CC2D2A: variants seen among roughly 807,000 people sequenced by gnomAD.
CC2D2A encodes coiled-coil and C2 domain containing 2A.
Under a neutral mutation model 212.9 loss-of-function variants are expected in CC2D2A, and 155 were observed. That is an observed-to-expected ratio of 0.73 (90% CI 0.64 to 0.83). CC2D2A has a LOEUF of 0.83. Ranked by LOEUF, CC2D2A falls within the 40% of genes least tolerant of loss-of-function variation. CC2D2A has a pLI of 0.00. For missense variants in CC2D2A, 1,856 were observed against 1,956.2 expected (o/e 0.95, Z 0.97); for synonymous variants, 667 against 686.5 (o/e 0.97, Z 0.44).
intron 11 of CC2D2A, 112 bp downstream of exon 11, chr4:15,516,868 C>T (rs1716905127): frequency 1.0e-6 from 1 of 977,130 alleles, no homozygotes; most frequent in African/African-American, 1.7e-5. Flanking sequence ...TTAAATAATT[C>T]ACTATCTTAC....
chr4:15,565,140 A>G (rs939262717), intron 24 of CC2D2A, among the ~76,000 whole-genome samples: 2 of 152,228 alleles, frequency 1.3e-5, no homozygotes, highest in Non-Finnish European at 2.9e-5. Context: ...CTCACAGCCT[A>G]CCCTTTCACC....
chr4:15,473,698 G>T (rs1261853642), intron 1 of CC2D2A, among the ~76,000 whole-genome samples: 1 of 152,190 alleles, frequency 6.6e-6, no homozygotes, highest in Non-Finnish European at 1.5e-5. Flanking sequence ...GGAGTTTCTT[G>T]CAGTAGATTT....
intron 24 of CC2D2A, 165 bp downstream of exon 24, chr4:15,563,687 A>T: frequency 1.6e-6 from 1 of 640,582 alleles, no homozygotes; most frequent in Non-Finnish European, 2.7e-6. Flanking sequence ...AATACATTCC[A>T]ATTCCATCAA....
chr4:15,546,861 C>T (rs1421539379), intron 17 of CC2D2A, among the ~76,000 whole-genome samples: 1 of 152,070 alleles, frequency 6.6e-6, no homozygotes, highest in Non-Finnish European at 1.5e-5. Flanking sequence ...AAAGGTAAGA[C>T]AATGAGGGTT....
chr4:15,563,074 G>A (rs933289648), intron 23 of CC2D2A, among the ~76,000 whole-genome samples: 1 of 152,230 alleles, frequency 6.6e-6, no homozygotes, highest in Admixed American at 6.5e-5. Context: ...CATGTTTGAG[G>A]AACTGGTGGG....
intron 4 of CC2D2A, among the ~76,000 whole-genome samples, chr4:15,493,667 C>T (rs1420396077): frequency 6.6e-6 from 1 of 152,168 alleles, no homozygotes; most frequent in Non-Finnish European, 1.5e-5. Flanking sequence ...CACCATCTGA[C>T]ATACTAACTA....
chr4:15,532,694 C>T (rs909312991), intron 13 of CC2D2A, among the ~76,000 whole-genome samples: 4 of 152,194 alleles, frequency 2.6e-5, no homozygotes, highest in African/African-American at 7.2e-5. Context: ...AAACCATTTG[C>T]AAATGATGCC....
At chr4:15,535,715 T>G (rs893596595) in intron 14 of CC2D2A, among the ~76,000 whole-genome samples, 1 of 152,208 alleles carries the variant, frequency 6.6e-6, no homozygotes, top group African/African-American at 2.4e-5. Context: ...TGCAAGAGCT[T>G]GTGCCTTGGG....
At chr4:15,492,669 T>C in intron 4 of CC2D2A, 1 of 610,858 alleles carries the variant, frequency 1.6e-6, no homozygotes, top group Middle Eastern at 4.5e-4. Flanking sequence ...CCTCAGCAGC[T>C]GAGGGTCTCT....
At chr4:15,554,034 G>A (rs566604999) in intron 19 of CC2D2A, among the ~76,000 whole-genome samples, 54 of 152,290 alleles carry the variant, frequency 3.5e-4, no homozygotes, top group African/African-American at 1.2e-3. Context: ...AATTGGGCTC[G>A]TTTAGTTCCC....
chr4:15,531,693 A>G (rs1280329964), intron 13 of CC2D2A, among the ~76,000 whole-genome samples: 1 of 152,142 alleles, frequency 6.6e-6, no homozygotes, highest in Non-Finnish European at 1.5e-5. Flanking sequence ...ATTATTTTGT[A>G]ATTTTCTGCT....
intron 30 of CC2D2A, among the ~76,000 whole-genome samples, chr4:15,581,684 G>T (rs2109084716): frequency 6.6e-6 from 1 of 152,264 alleles, no homozygotes; most frequent in South Asian, 2.1e-4. Context: ...GAGAAAAAAA[G>T]AAAACTTTCT....
At chr4:15,555,844 G>A (rs1719250518) in intron 20 of CC2D2A, among the ~76,000 whole-genome samples, 2 of 152,154 alleles carry the variant, frequency 1.3e-5, no homozygotes. Flanking sequence ...AACTCCTAAA[G>A]GTTTTATATC....
intron 17 of CC2D2A, chr4:15,543,630 CCTT>C (rs1402335644): frequency 6.6e-6 from 1 of 152,184 alleles, no homozygotes; most frequent in Non-Finnish European, 1.5e-5. Context: ...ACTGGGGCAG[CCTT>C]CAGATACGTG....
chr4:15,559,087 A>T, intron 21 of CC2D2A, 78 bp from the exon 22 acceptor site: 1 of 847,356 alleles, frequency 1.2e-6, no homozygotes, highest in Non-Finnish European at 1.9e-6. Context: ...AACTTAAATC[A>T]TATGTGATAA....
Position 15,537,042 on chromosome 4 carries a change from C to T in CC2D2A, c.1730C>T (p.Ser577Leu), listed in dbSNP as rs543650388. 9 of 1,613,488 alleles carry T rather than the reference C, an allele frequency of 5.6e-6. No homozygotes were observed. The African/African-American group carries it at 8.0e-5, about 14-fold the overall frequency. Residue 577 changes from serine (S) to leucine (L), a missense_variant, in exon 15 of 37, where the codon TCG becomes TTG. Coordinates refer to ENST00000424120, the MANE Select transcript of CC2D2A (RefSeq NM_001378615.1). ...CAGAAGATGGAAGAATACAGAACGT[C>T]GTTACAACAGTGGAAGGCCTGGAGG... is the stretch of plus-strand genomic sequence containing the variant. The part of the protein sequence containing the change: ...YAQKMEEYRT[S>L]LQQWKAWRKV...
intron 1 of CC2D2A, among the ~76,000 whole-genome samples, chr4:15,472,916 G>A (rs530354346): frequency 6.6e-6 from 1 of 152,262 alleles, no homozygotes; most frequent in African/African-American, 2.4e-5. Flanking sequence ...GATCTCAGAT[G>A]AGCTGCTTAA....
At chr4:15,536,389 A>G (rs1718132864) in intron 14 of CC2D2A, among the ~76,000 whole-genome samples, 1 of 152,208 alleles carries the variant, frequency 6.6e-6, no homozygotes. Context: ...GTAAACCAAC[A>G]TGGCACATGT....
chr4:15,514,341 A>G (rs1010325907), intron 8 of CC2D2A, among the ~76,000 whole-genome samples: 1 of 152,212 alleles, frequency 6.6e-6, no homozygotes, highest in Non-Finnish European at 1.5e-5. Flanking sequence ...GTTTAGTGCC[A>G]GGTGGAAGGT....
Sources: gnomAD v4.1 joint callset for allele counts (sites outside exome capture counted in the v4.1 genomes callset) on GRCh38, gnomAD v4.1.1 for gene constraint, MANE v1.5 for transcripts, NCBI Gene and HGNC (gene_info 2026-07-23, HGNC 2026-07-21) for gene names.